Variants in VPS13B observed in about 807,000 individuals in gnomAD.
The protein encoded by VPS13B is intermembrane lipid transfer protein VPS13B.
A neutral mutation model predicts 426.4 loss-of-function variants in VPS13B; 285 were observed. The observed-to-expected ratio is 0.67, with a 90% CI of 0.61 to 0.74. VPS13B has a LOEUF of 0.74. VPS13B is among the 30% of genes least tolerant of loss of function. The probability of loss-of-function intolerance (pLI) is 0.00; values close to 1 mark genes in which losing one functional copy is unlikely to be tolerated. For missense variants in VPS13B, 4,537 were observed against 4,782.6 expected (o/e 0.95, Z 1.51); for synonymous variants, 1,676 against 1,676.4 (o/e 1.00, Z 0.01).
chr8:99,768,216 C>G (rs958810034), intron 40 of VPS13B, among the ~76,000 whole-genome samples: 3 of 152,178 alleles, frequency 2.0e-5, no homozygotes, highest in Non-Finnish European at 4.4e-5. Flanking sequence ...TCCTGATGGG[C>G]TGGCTTAGTG....
At chr8:99,324,984 A>T (rs1810166013) in intron 19 of VPS13B, among the ~76,000 whole-genome samples, 1 of 152,138 alleles carries the variant, frequency 6.6e-6, no homozygotes, top group Admixed American at 6.6e-5. Context: ...CACTTTTCTT[A>T]ATCATTCTCA....
intron 25 of VPS13B, among the ~76,000 whole-genome samples, chr8:99,483,927 C>T (rs1820172061): frequency 6.6e-6 from 1 of 151,928 alleles, no homozygotes; most frequent in South Asian, 2.1e-4. Flanking sequence ...CACAAAAGGA[C>T]ATGATGGCCC....
chr8:99,728,282 T>C (rs1294740952), intron 39 of VPS13B, among the ~76,000 whole-genome samples: 4 of 152,184 alleles, frequency 2.6e-5, no homozygotes, highest in Non-Finnish European at 5.9e-5. Context: ...TTTCATTAAA[T>C]GCCCCTCCCA....
chr8:99,321,383 A>G (rs1002818490), intron 19 of VPS13B, among the ~76,000 whole-genome samples: 4 of 151,298 alleles, frequency 2.6e-5, no homozygotes, highest in Non-Finnish European at 5.9e-5. Context: ...TAATTTTTGT[A>G]TTTTTGTAGA....
chr8:99,501,650 T>A (rs1464445861), intron 25 of VPS13B, 37 bp from the exon 26 acceptor site: 1 of 1,600,670 alleles, frequency 6.2e-7, no homozygotes, highest in Non-Finnish European at 8.5e-7. Flanking sequence ...TTTTTGTTTA[T>A]GTTACAAAGT....
intron 30 of VPS13B, among the ~76,000 whole-genome samples, chr8:99,538,686 G>T (rs1196638118): frequency 6.6e-6 from 1 of 152,082 alleles, no homozygotes. Flanking sequence ...ATGCCTAAAA[G>T]GATCTTCATG....
chr8:99,225,741 T>C (rs530458242), intron 17 of VPS13B, among the ~76,000 whole-genome samples: 1 of 152,326 alleles, frequency 6.6e-6, no homozygotes, highest in East Asian at 1.9e-4. Context: ...ATAATATCTT[T>C]CCAAGTTCTC....
chr8:99,623,114 A>G (rs1434468340), intron 33 of VPS13B, among the ~76,000 whole-genome samples: 3 of 152,124 alleles, frequency 2.0e-5, no homozygotes, highest in African/African-American at 4.8e-5. Context: ...TCAAGGCCCT[A>G]TGAGATCTAA....
intron 15 of VPS13B, among the ~76,000 whole-genome samples, chr8:99,169,426 G>T (rs902511655): frequency 3.3e-5 from 5 of 151,918 alleles, no homozygotes; most frequent in African/African-American, 1.2e-4. Flanking sequence ...TGGTCTGCTT[G>T]CTTTAAGCAT....
intron 33 of VPS13B, among the ~76,000 whole-genome samples, chr8:99,629,003 G>A (rs1306454351): frequency 6.6e-6 from 1 of 152,096 alleles, no homozygotes; most frequent in African/African-American, 2.4e-5. Flanking sequence ...GGCTCAGGAA[G>A]TCCTCCCATG....
At chr8:99,455,736 G>T (rs1818418361) in intron 23 of VPS13B, among the ~76,000 whole-genome samples, 1 of 152,052 alleles carries the variant, frequency 6.6e-6, no homozygotes, top group Admixed American at 6.6e-5. Flanking sequence ...ATAGTCTTTT[G>T]CATCTGGCTT....
In VPS13B at chr8:99,709,256, C is replaced by T. The variant is rs528225174; in HGVS notation, c.6455-7915C>T. Reference sequence around the variant, plus strand: ...GCTTTGCTAGCAATGTCATCATTGACTACTCTTTCTAATGATGCATAGAAG... The same window carrying T: ...GCTTTGCTAGCAATGTCATCATTGATTACTCTTTCTAATGATGCATAGAAG... On this transcript the variant is annotated intron_variant, in intron 36 of 61. Transcript: ENST00000357162. 9.2e-5 allele frequency among the ~76,000 whole-genome samples: 14 copies of T among 152,244 alleles called. No homozygotes were observed. In the South Asian group the frequency reaches 1.2e-3, roughly 14 times the overall value.
intron 2 of VPS13B, among the ~76,000 whole-genome samples, chr8:99,019,523 C>T (rs985815338): frequency 1.3e-5 from 2 of 152,024 alleles, no homozygotes; most frequent in African/African-American, 2.4e-5. Context: ...TTTAAATGTA[C>T]GATTCTGTGG....
chr8:99,187,544 T>C (rs910038909), intron 16 of VPS13B, among the ~76,000 whole-genome samples: 1 of 152,238 alleles, frequency 6.6e-6, no homozygotes, highest in Non-Finnish European at 1.5e-5. Flanking sequence ...TAGCCAAATA[T>C]GATCAGAATT....
intron 30 of VPS13B, among the ~76,000 whole-genome samples, chr8:99,551,215 A>G (rs1824264171): frequency 6.6e-6 from 1 of 151,780 alleles, no homozygotes; most frequent in African/African-American, 2.4e-5. Context: ...AATTGTCTTA[A>G]CCTCCAAATG....
intron 17 of VPS13B, among the ~76,000 whole-genome samples, chr8:99,244,786 A>G (rs915102648): frequency 6.6e-6 from 1 of 152,204 alleles, no homozygotes; most frequent in Non-Finnish European, 1.5e-5. Flanking sequence ...TAGTCCATAT[A>G]AGTGCCTACT....
chr8:99,354,018 T>C (rs901339067), intron 19 of VPS13B, among the ~76,000 whole-genome samples: 1 of 152,084 alleles, frequency 6.6e-6, no homozygotes, highest in African/African-American at 2.4e-5. Flanking sequence ...AAATAACTTG[T>C]TGTATTACCC....
chr8:99,259,223 T>C (rs1352975667), intron 17 of VPS13B, among the ~76,000 whole-genome samples: 1 of 152,138 alleles, frequency 6.6e-6, no homozygotes, highest in East Asian at 1.9e-4. Flanking sequence ...TATCCTGTAG[T>C]ATTTAACCTC....
rs1032098602 is a variant in VPS13B, at chr8:99,186,906, C to T, written c.2334-5970C>T. 2.0e-5 allele frequency among the ~76,000 whole-genome samples: 3 copies of T among 152,160 alleles called. No homozygotes were observed. The East Asian group carries it at 5.8e-4, about 29-fold the overall frequency. On this transcript the variant is annotated intron_variant, in intron 16 of 61. Transcript: ENST00000357162. ...CATGTGTTTAAGTTTTTATTCAAGTCTATGTTATCCATTTGGGAACATTTT... is the reference window on the plus strand; with the variant it reads ...CATGTGTTTAAGTTTTTATTCAAGTTTATGTTATCCATTTGGGAACATTTT...
Sources: gnomAD v4.1 joint callset for allele counts (sites outside exome capture counted in the v4.1 genomes callset) on GRCh38, gnomAD v4.1.1 for gene constraint, MANE v1.5 for transcripts, NCBI Gene and HGNC (gene_info 2026-07-23, HGNC 2026-07-21) for gene names.